MALRD1: variants seen among roughly 807,000 people sequenced by gnomAD.
The protein encoded by MALRD1 is MAM and LDL receptor class A domain containing 1.
A neutral mutation model predicts 242.1 loss-of-function variants in MALRD1; 247 were observed. The ratio of observed to expected loss-of-function variants is 1.02; its 90% CI spans 0.92 to 1.13. The LOEUF (loss-of-function observed/expected upper bound fraction) is 1.13. MALRD1 is among the 50% of genes most tolerant of loss of function. The probability of loss-of-function intolerance (pLI) is 0.00; values close to 1 mark genes in which losing one functional copy is unlikely to be tolerated. For synonymous variants in MALRD1, 995 were observed against 866.6 expected (o/e 1.15, Z -2.60); for missense variants, 2,989 against 2,533.1 (o/e 1.18, Z -3.86).
chr10:19,551,586 GC>G (rs1399728669), intron 32 of MALRD1, among the ~76,000 whole-genome samples: 2 of 152,188 alleles, frequency 1.3e-5, no homozygotes, highest in Admixed American at 6.6e-5. Context: ...CTTTTTGGAA[GC>G]CCTTTATTTC....
At chr10:19,361,250 A>G (rs2130705972) in intron 26 of MALRD1, among the ~76,000 whole-genome samples, 1 of 152,254 alleles carries the variant, frequency 6.6e-6, no homozygotes, top group Admixed American at 6.5e-5. Context: ...GTGCAATTAA[A>G]CAGAAGAGGC....
intron 36 of MALRD1, among the ~76,000 whole-genome samples, chr10:19,634,915 C>T (rs940802234): frequency 6.6e-6 from 1 of 152,084 alleles, no homozygotes; most frequent in Non-Finnish European, 1.5e-5. Context: ...TAGAGGTTCA[C>T]CAGATGAAAC....
chr10:19,376,367 C>T (rs1477566775), intron 26 of MALRD1, among the ~76,000 whole-genome samples: 4 of 151,922 alleles, frequency 2.6e-5, no homozygotes, highest in Non-Finnish European at 5.9e-5. Flanking sequence ...TCTTAAGAAC[C>T]AATTACATGT....
intron 21 of MALRD1, among the ~76,000 whole-genome samples, chr10:19,307,243 G>A (rs1349641594): frequency 6.6e-6 from 1 of 151,362 alleles, no homozygotes; most frequent in Non-Finnish European, 1.5e-5. Context: ...TCTCTCACCT[G>A]AACCGAAGGA....
rs544479896 is a variant in MALRD1 at position 19,447,419 on chromosome 10, A to G, written c.4846-2888A>G. The stretch of plus-strand genomic sequence containing the variant: ...TAGTACATCACCATTAGGTTGATCC[A>G]TGATTCGTTTGCAAAATAATTTACC... On this transcript the variant is annotated intron_variant, in intron 28 of 39. Transcript: ENST00000454679. Among the ~76,000 whole-genome samples, 6 of 152,354 alleles carry G rather than the reference A, an allele frequency of 3.9e-5. No homozygotes were observed. The East Asian group carries it at 7.7e-4, about 20-fold the overall frequency.
At chr10:19,631,127 G>T (rs1304618344) in intron 36 of MALRD1, among the ~76,000 whole-genome samples, 1 of 151,944 alleles carries the variant, frequency 6.6e-6, no homozygotes, top group Non-Finnish European at 1.5e-5. Context: ...ATTTTTTTCT[G>T]ATCCTTTTCC....
intron 24 of MALRD1, among the ~76,000 whole-genome samples, chr10:19,344,279 A>G (rs1319769169): frequency 1.3e-5 from 2 of 152,072 alleles, no homozygotes; most frequent in Non-Finnish European, 2.9e-5. Flanking sequence ...AAAAAGTTGT[A>G]TGATATTACA....
intron 28 of MALRD1, among the ~76,000 whole-genome samples, chr10:19,415,091 A>G (rs1180761959): frequency 1.3e-5 from 2 of 152,172 alleles, no homozygotes; most frequent in African/African-American, 4.8e-5. Flanking sequence ...TTGAAATTAA[A>G]ACAATAGGTA....
intron 19 of MALRD1, among the ~76,000 whole-genome samples, chr10:19,270,110 T>G (rs1840143289): frequency 1.3e-5 from 2 of 151,940 alleles, no homozygotes; most frequent in African/African-American, 4.8e-5. Context: ...AGGTCAGGAG[T>G]TTGAGACCAG....
intron 8 of MALRD1, among the ~76,000 whole-genome samples, chr10:19,133,593 T>A (rs1490168253): frequency 6.6e-6 from 1 of 152,190 alleles, no homozygotes; most frequent in Non-Finnish European, 1.5e-5. Context: ...GTACTGTTTT[T>A]TTAAAAGATT....
intron 19 of MALRD1, among the ~76,000 whole-genome samples, chr10:19,271,530 C>T (rs371458183): frequency 4.6e-5 from 7 of 152,170 alleles, no homozygotes; most frequent in East Asian, 1.9e-4. Context: ...TTTGGGAGGC[C>T]GAGGCGGGCA....
chr10:19,050,811 C>T (rs1302384565), intron 1 of MALRD1, among the ~76,000 whole-genome samples: 1 of 152,174 alleles, frequency 6.6e-6, no homozygotes, highest in Non-Finnish European at 1.5e-5. Context: ...CAAGTCCCTT[C>T]CATTATAAAT....
intron 29 of MALRD1, among the ~76,000 whole-genome samples, chr10:19,489,667 G>T (rs16906129): frequency 0.15 from 22,507 of 152,094 alleles, 2,091 homozygotes; most frequent in African/African-American, 0.25. Context: ...TCACTGTCTT[G>T]GTTGTCAGCT....
chr10:19,300,769 C>G (rs1432905122), intron 21 of MALRD1, among the ~76,000 whole-genome samples: 1 of 151,974 alleles, frequency 6.6e-6, no homozygotes, highest in African/African-American at 2.4e-5. Flanking sequence ...TAGAAGAAAT[C>G]CTAGGAAATA....
intron 28 of MALRD1, among the ~76,000 whole-genome samples, chr10:19,409,413 C>G (rs979202269): frequency 6.6e-6 from 1 of 151,906 alleles, no homozygotes; most frequent in Non-Finnish European, 1.5e-5. Context: ...TATGATCATG[C>G]CAATGCACTC....
chr10:19,220,732 C>T (rs1837522354), intron 18 of MALRD1, among the ~76,000 whole-genome samples: 1 of 152,120 alleles, frequency 6.6e-6, no homozygotes, highest in East Asian at 1.9e-4. Flanking sequence ...TGTTTTCTTA[C>T]ACCTGTTTTC....
intron 28 of MALRD1, among the ~76,000 whole-genome samples, chr10:19,416,238 T>C (rs1833509224): frequency 6.6e-6 from 1 of 152,154 alleles, no homozygotes; most frequent in Admixed American, 6.5e-5. Flanking sequence ...AAGGAAGAGA[T>C]CTGTTCCACA....
intron 32 of MALRD1, among the ~76,000 whole-genome samples, chr10:19,563,731 T>C (rs779712023): frequency 1.2e-4 from 19 of 152,198 alleles, no homozygotes; most frequent in South Asian, 2.1e-4. Flanking sequence ...CAAGGCCTTA[T>C]CTGGCCAACC....
Position 19,734,129 on chromosome 10 carries a change from C to G in MALRD1, c.6391-28C>G, listed in dbSNP as rs1370926353. The G allele has an allele frequency of 2.0e-6, 3 of 1,503,892 alleles. No individual in the cohort carries two copies. In the African/African-American group the frequency reaches 4.2e-5, roughly 21 times the overall value. 93.2% of individuals were successfully genotyped at this position (1,503,892 alleles called of 1,614,324 possible). ...TCTTATCTTAATGCCTAAAATTCCA[C>G]CCTTTCAAATGTGTTTTTCTTCGTC... On this transcript the variant is annotated intron_variant, in intron 39 of 39. Coordinates refer to ENST00000454679, the MANE Select transcript of MALRD1 (RefSeq NM_001142308.3).
Sources: allele counts gnomAD v4.1 joint callset (sites outside exome capture counted in the v4.1 genomes callset), GRCh38; gene constraint gnomAD v4.1.1; transcripts MANE v1.5; gene names NCBI Gene and HGNC (gene_info 2026-07-23, HGNC 2026-07-21).